SLC45A4: variants seen among roughly 807,000 people sequenced by gnomAD.
SLC45A4 encodes the protein solute carrier family 45 member 4, also known as polyamine-transporter SLC45A4.
A neutral mutation model predicts 63.7 loss-of-function variants in SLC45A4; 32 were observed. That is an observed-to-expected ratio of 0.50 (90% CI 0.38 to 0.67). SLC45A4 has a LOEUF of 0.67. Among genes scored for constraint, SLC45A4 ranks in the 30% least tolerant of loss-of-function variants. The probability of loss-of-function intolerance (pLI) is 0.00; values close to 1 mark genes in which losing one functional copy is unlikely to be tolerated. For synonymous variants in SLC45A4, 535 were observed against 510.0 expected, an observed-to-expected ratio of 1.05 and a Z score of -0.66; for missense variants, 1,027 against 1,157.7, an observed-to-expected ratio of 0.89 and a Z score of 1.64.
At chr8:141,287,472 C>T (rs1160893528) in intron 1 of SLC45A4, among the ~76,000 whole-genome samples, 3 of 152,216 alleles carry the variant, frequency 2.0e-5, no homozygotes, top group South Asian at 2.1e-4. Flanking sequence ...CAAAGTCCCT[C>T]GTTAACCCTT....
chr8:141,275,594 G>A (rs562256800), intron 1 of SLC45A4, among the ~76,000 whole-genome samples: 1 of 150,970 alleles, frequency 6.6e-6, no homozygotes, highest in East Asian at 2.0e-4. Context: ...GGGCAATATA[G>A]TGAGACCCCT....
At chr8:141,241,571 G>GA (rs943160010) in intron 2 of SLC45A4, among the ~76,000 whole-genome samples, 52 of 71,348 alleles carry the variant, frequency 7.3e-4, no homozygotes, top group East Asian at 3.5e-3. Flanking sequence ...TACAGTCAAA[G>GA]AAAAAAAAAA....
chr8:141,265,847 C>T (rs111751535), intron 1 of SLC45A4, among the ~76,000 whole-genome samples: 54 of 152,300 alleles, frequency 3.5e-4, no homozygotes, highest in African/African-American at 1.2e-3. Flanking sequence ...TCTGTTCCAG[C>T]GACTGTCGGG....
rs140306694 is a variant in SLC45A4 at position 141,236,882 on chromosome 8, T to C, written c.242-15117A>G. Among the ~76,000 whole-genome samples, 510 of 152,284 alleles carry C rather than the reference T, an allele frequency of 3.3e-3. 4 individuals are homozygous for C. The highest frequency in any genetic ancestry group is 0.012 in the African/African-American group (481 of 41,548). On this transcript the variant is annotated intron_variant, in intron 2 of 8. Transcript: ENST00000517878. ...AGGGCGCGGAGGGCTGGCCAGAGGGTAGCACTAACACATGGCCCACAGATC... is the reference window on the plus strand; with the variant it reads ...AGGGCGCGGAGGGCTGGCCAGAGGGCAGCACTAACACATGGCCCACAGATC...
chr8:141,237,495 T>A (rs922539674), intron 2 of SLC45A4, among the ~76,000 whole-genome samples: 1 of 152,160 alleles, frequency 6.6e-6, no homozygotes, highest in African/African-American at 2.4e-5. Context: ...TTGCGCTGGG[T>A]GTCCCTCTGC....
chr8:141,284,252 A>G (rs1480059853), intron 1 of SLC45A4, among the ~76,000 whole-genome samples: 2 of 152,174 alleles, frequency 1.3e-5, no homozygotes, highest in Non-Finnish European at 2.9e-5. Flanking sequence ...CCCAAAAGAG[A>G]GCTCGGCTGG....
At chr8:141,245,323 G>C (rs540167780) in intron 2 of SLC45A4, among the ~76,000 whole-genome samples, 1 of 152,052 alleles carries the variant, frequency 6.6e-6, no homozygotes, top group Non-Finnish European at 1.5e-5. Context: ...CACCACCACC[G>C]TTTCGAGGAG....
Position 141,253,916 on chromosome 8 carries a change from A to G in SLC45A4, c.241+73T>C, listed in dbSNP as rs1828643553. ...AGGACGCACCATCCTCTGCCTCCAG[A>G]GGATCAGAGCCACGCCCAGTCCGCT... On this transcript the variant is annotated intron_variant, in intron 2 of 8. Transcript: ENST00000517878. 8.6e-6 allele frequency: 13 copies of G among 1,512,122 alleles called. 1 individual carries two copies. Among genetic ancestry groups the G allele is most frequent in the South Asian group, 7.4e-5 (6 of 81,572 alleles). The allele number at this position is 1,512,122 out of a possible 1,614,324, so 93.7% of individuals were successfully genotyped here. A position where few individuals can be genotyped will look rare whatever the true frequency, so the allele number is the denominator to read the frequency against.
At chr8:141,292,926 G>A (rs1419840318) in intron 1 of SLC45A4, 1 of 152,230 alleles carries the variant, frequency 6.6e-6, no homozygotes, top group Non-Finnish European at 1.5e-5. Flanking sequence ...CAGGACAGAT[G>A]AGTGCGCAGA....
intron 2 of SLC45A4, among the ~76,000 whole-genome samples, chr8:141,240,094 A>T (rs1212991066): frequency 6.6e-6 from 1 of 152,232 alleles, no homozygotes; most frequent in Non-Finnish European, 1.5e-5. Context: ...TGGTGTTTTA[A>T]ACAAATGGAC....
Position 141,299,298 on chromosome 8 carries a change from G to A in SLC45A4, c.-401+8798C>T, listed in dbSNP as rs927998494. Among the ~76,000 whole-genome samples the A allele has an allele frequency of 3.9e-5, 6 of 152,366 alleles. No homozygotes were observed. In the South Asian group the frequency reaches 1.2e-3, roughly 32 times the overall value. The stretch of plus-strand genomic sequence containing the variant: ...TCTACGGAAGGAGAAAGCGGACGGG[G>A]AGCCCCGTGCCTTTAAGAATTAAAA... On this transcript the variant is annotated intron_variant, in intron 1 of 8. Coordinates refer to ENST00000517878, the MANE Select transcript of SLC45A4 (RefSeq NM_001286646.2).
Position 141,215,636 on chromosome 8 carries a change from G to C in SLC45A4, c.1941+123C>G. ...CTTTGGAAGGGGCCATCTCAGAACC[G>C]GAGAGGAAGGAGGGCCATCTGTGTC... On this transcript the variant is annotated intron_variant, in intron 7 of 8. Transcript: ENST00000517878. This position sits in a 1 kb window ranked among gnomAD's most constrained non-coding sequence, Gnocchi z 4.3. 3 of 971,718 alleles carry C rather than the reference G, an allele frequency of 3.1e-6. No individual in the cohort carries two copies. The East Asian group carries it at 7.8e-5, about 25-fold the overall frequency. The allele number at this position is 971,718 out of a possible 1,614,324, so 60.2% of individuals were successfully genotyped here.
At chr8:141,223,178 G>A (rs764920047) in intron 2 of SLC45A4, among the ~76,000 whole-genome samples, 11 of 152,192 alleles carry the variant, frequency 7.2e-5, no homozygotes, top group South Asian at 2.1e-4. Context: ...GCATTCGGCC[G>A]AGGATTTAAG....
chr8:141,292,266 C>T (rs535056485), intron 1 of SLC45A4, among the ~76,000 whole-genome samples: 18 of 152,250 alleles, frequency 1.2e-4, no homozygotes, highest in Non-Finnish European at 2.6e-4. Flanking sequence ...TCTGGGCCCG[C>T]CAATCCAGCT....
chr8:141,247,120 A>C (rs1828248770), intron 2 of SLC45A4, among the ~76,000 whole-genome samples: 1 of 152,234 alleles, frequency 6.6e-6, no homozygotes, highest in Non-Finnish European at 1.5e-5. Context: ...AAAATTGATA[A>C]ACCTTTAACC....
At position 141,218,914 on chromosome 8, in the gene SLC45A4, G is replaced by A; in HGVS notation, c.726C>T (p.Phe242=). 3 of 1,613,786 alleles carry A rather than the reference G, an allele frequency of 1.9e-6. No homozygotes were observed. Among genetic ancestry groups the A allele is most frequent in the Non-Finnish European group, 2.5e-6 (3 of 1,179,942 alleles). ...QVLFFFAAII[F]TVSVALHLFS... is the part of the protein sequence containing the mutation. Reference sequence around the variant, plus strand: ...ACAGGTGCAGGGCCACGGACACCGTGAAGATGATGGCGGCAAAGAAGAAGA... The same window carrying A: ...ACAGGTGCAGGGCCACGGACACCGTAAAGATGATGGCGGCAAAGAAGAAGA... Residue 242 remains phenylalanine (F), a synonymous_variant, in exon 5 of 9, where the codon TTC becomes TTT. Transcript: ENST00000517878.
chr8:141,276,771 C>T (rs1467726032), intron 1 of SLC45A4, among the ~76,000 whole-genome samples: 1 of 152,242 alleles, frequency 6.6e-6, no homozygotes, highest in Non-Finnish European at 1.5e-5. Context: ...TGGTCTGCTA[C>T]AGGCCCACAC....
In SLC45A4 at chr8:141,230,049, G is replaced by C. The variant is rs115042374; in HGVS notation, c.242-8284C>G. ...CAACACCACAGCACCATTACACGAT[G>C]ATAAGAAAGTTCTCTGCAAGTCTAC... On this transcript the variant is annotated intron_variant, in intron 2 of 8. Transcript: ENST00000517878. The C allele has an allele frequency of 5.8e-4, 265 of 456,208 alleles. 1 individual carries two copies. The highest frequency in any genetic ancestry group is 5.0e-3 in the African/African-American group (251 of 50,174). 28.3% of individuals were successfully genotyped at this position (456,208 alleles called of 1,614,324 possible).
chr8:141,235,690 A>G (rs1347144533), intron 2 of SLC45A4, among the ~76,000 whole-genome samples: 1 of 152,208 alleles, frequency 6.6e-6, no homozygotes, highest in African/African-American at 2.4e-5. Flanking sequence ...GTAAAAAACA[A>G]AACAAACCAT....
Sources: allele counts gnomAD v4.1 joint callset (sites outside exome capture counted in the v4.1 genomes callset), GRCh38; gene constraint gnomAD v4.1.1; non-coding constraint Gnocchi (gnomAD v3.1); transcripts MANE v1.5; gene names NCBI Gene and HGNC (gene_info 2026-07-23, HGNC 2026-07-21).